Variants in WWP2 observed in about 807,000 individuals in gnomAD.
The protein encoded by WWP2 is WW domain containing E3 ubiquitin protein ligase 2, also known as NEDD4-like E3 ubiquitin-protein ligase WWP2.
WWP2 carries 57 observed loss-of-function variants against 121.0 expected under a neutral mutation model. That is an observed-to-expected ratio of 0.47 (90% CI 0.38 to 0.59). The LOEUF (loss-of-function observed/expected upper bound fraction) is 0.59. WWP2 is among the 20% of genes least tolerant of loss of function. WWP2 has a pLI of 0.00. For synonymous variants in WWP2, 449 were observed against 441.3 expected (o/e 1.02, Z -0.22); for missense variants, 962 against 1,158.9 (o/e 0.83, Z 2.47).
In WWP2 at chr16:69,935,243, A is replaced by G. The variant is rs376501108; in HGVS notation, c.1843-610A>G. Among the ~76,000 whole-genome samples the G allele has an allele frequency of 6.6e-6, 1 of 152,094 alleles. No individual in the cohort carries two copies. The highest frequency in any genetic ancestry group is 1.9e-4 in the East Asian group (1 of 5,190). On this transcript the variant is annotated intron_variant, in intron 17 of 23. Coordinates refer to ENST00000359154, the MANE Select transcript of WWP2 (RefSeq NM_001270454.2). This position sits in a 1 kb window ranked among gnomAD's most constrained non-coding sequence, Gnocchi z 5.2. The stretch of plus-strand genomic sequence containing the variant: ...CTTAGGAGGACCCAAGCGCCCCATG[A>G]GCCTGTGACTAAATATGGCCGGCCC...
At chr16:69,813,946 A>G (rs1332934147) in intron 4 of WWP2, among the ~76,000 whole-genome samples, 2 of 152,236 alleles carry the variant, frequency 1.3e-5, no homozygotes, top group African/African-American at 4.8e-5. Flanking sequence ...GAGAAAGGCA[A>G]ACAAGTGGCA....
chr16:69,901,130 A>G (rs190234218), intron 8 of WWP2, among the ~76,000 whole-genome samples: 2 of 152,284 alleles, frequency 1.3e-5, no homozygotes, highest in Non-Finnish European at 2.9e-5. Flanking sequence ...GACTCATAAA[A>G]CAGCCTGAAA....
At chr16:69,846,057 A>AAAAAAAAAAAAAAAAAC in intron 6 of WWP2, among the ~76,000 whole-genome samples, 1 of 146,086 alleles carries the variant, frequency 6.8e-6, no homozygotes, top group Non-Finnish European at 1.5e-5. Context: ...CTCAAAAAAA[A>AAAAAAAAAAAAAAAAAC]AAAAAAAAAA....
At chr16:69,857,451 G>C (rs989559585) in intron 6 of WWP2, among the ~76,000 whole-genome samples, 1 of 152,112 alleles carries the variant, frequency 6.6e-6, no homozygotes, top group African/African-American at 2.4e-5. Flanking sequence ...TTGATGGGTT[G>C]AAGGTATCTT....
intron 7 of WWP2, among the ~76,000 whole-genome samples, chr16:69,877,140 G>C (rs1237635866): frequency 2.0e-5 from 3 of 152,208 alleles, no homozygotes; most frequent in Non-Finnish European, 4.4e-5. Flanking sequence ...TCTTGCAATA[G>C]AAGGCTCTTT....
intron 7 of WWP2, among the ~76,000 whole-genome samples, chr16:69,872,776 G>A (rs765196189): frequency 3.2e-4 from 49 of 152,310 alleles, no homozygotes; most frequent in Middle Eastern, 3.4e-3. Context: ...AGACAGTGCC[G>A]TCCACGTGCG....
intron 8 of WWP2, among the ~76,000 whole-genome samples, chr16:69,893,835 C>T (rs530095887): frequency 6.6e-6 from 1 of 151,954 alleles, no homozygotes; most frequent in East Asian, 2.0e-4. Flanking sequence ...TGAGCCACTG[C>T]ACCCAGCCCT....
At chr16:69,822,331 C>T (rs568236303) in intron 4 of WWP2, among the ~76,000 whole-genome samples, 3 of 152,266 alleles carry the variant, frequency 2.0e-5, no homozygotes, top group East Asian at 3.9e-4. Flanking sequence ...GCAGTAAGCA[C>T]CTTTGAATTC....
intron 21 of WWP2, among the ~76,000 whole-genome samples, chr16:69,938,131 A>G (rs1448641307): frequency 6.6e-6 from 1 of 152,234 alleles, no homozygotes; most frequent in Non-Finnish European, 1.5e-5. Context: ...ATGTACGTAT[A>G]CAAATTTTTT....
At chr16:69,801,998 T>C (rs754433678) in intron 4 of WWP2, among the ~76,000 whole-genome samples, 1 of 151,676 alleles carries the variant, frequency 6.6e-6, no homozygotes, top group African/African-American at 2.4e-5. Flanking sequence ...GGCGCGATCT[T>C]GGCTCACCAC....
At chr16:69,872,219 G>A (rs77505031) in intron 7 of WWP2, among the ~76,000 whole-genome samples, 1 of 151,144 alleles carries the variant, frequency 6.6e-6, no homozygotes, top group Non-Finnish European at 1.5e-5. Context: ...AAAAAGAAAT[G>A]TCTTTTTTTT....
chr16:69,787,886 T>C (rs886085340), intron 2 of WWP2: 1 of 152,446 alleles, frequency 6.6e-6, no homozygotes, highest in Non-Finnish European at 1.5e-5. Flanking sequence ...TCTGGTTGAC[T>C]CGATCTTCAA....
At chr16:69,806,217 A>G (rs1026187838) in intron 4 of WWP2, among the ~76,000 whole-genome samples, 1 of 152,156 alleles carries the variant, frequency 6.6e-6, no homozygotes, top group Admixed American at 6.5e-5. Flanking sequence ...AGATTTTTAA[A>G]AATCTATTAT....
chr16:69,840,068 A>G (rs2056947389), intron 4 of WWP2, 58 bp from the exon 5 acceptor site: 1 of 1,598,494 alleles, frequency 6.3e-7, no homozygotes, highest in African/African-American at 1.3e-5. Flanking sequence ...AATTTAGAGA[A>G]TCTTAACTTG....
intron 9 of WWP2, 93 bp from the exon 10 acceptor site, chr16:69,917,616 T>G (rs2058495400): frequency 6.8e-7 from 1 of 1,474,400 alleles, no homozygotes; most frequent in Admixed American, 2.0e-5. Flanking sequence ...TGACAGGGCC[T>G]GCCCGGCTGT....
chr16:69,857,621 T>C (rs899187217), intron 6 of WWP2, among the ~76,000 whole-genome samples: 3 of 151,964 alleles, frequency 2.0e-5, no homozygotes, highest in Non-Finnish European at 4.4e-5. Context: ...ACTTTGTGTG[T>C]TTTGTGTTTT....
chr16:69,896,002 A>G (rs536118289), intron 8 of WWP2, among the ~76,000 whole-genome samples: 10 of 152,288 alleles, frequency 6.6e-5, no homozygotes, highest in Admixed American at 2.0e-4. Flanking sequence ...CCTCATCACC[A>G]TCTCAGAACT....
intron 9 of WWP2, chr16:69,909,638 C>T (rs545505960): frequency 1.0e-6 from 1 of 985,366 alleles, no homozygotes; most frequent in Non-Finnish European, 1.2e-6. Context: ...CATCAGTACT[C>T]ACTGTGTTTT....
chr16:69,897,907 C>G (rs1019523442), intron 8 of WWP2, among the ~76,000 whole-genome samples: 7 of 150,480 alleles, frequency 4.7e-5, no homozygotes, highest in East Asian at 1.9e-4. Flanking sequence ...GACTCCATCT[C>G]AAAACAACAA....
Sources: gnomAD v4.1 joint callset for allele counts (sites outside exome capture counted in the v4.1 genomes callset) on GRCh38, gnomAD v4.1.1 for gene constraint, Gnocchi (gnomAD v3.1) non-coding constraint, MANE v1.5 for transcripts, NCBI Gene and HGNC (gene_info 2026-07-23, HGNC 2026-07-21) for gene names.